The following FAT3 variants were observed in gnomAD, a reference collection of about 807,000 sequenced individuals.
The protein encoded by FAT3 is protocadherin Fat 3.
In FAT3, 95 loss-of-function variants were observed where a neutral mutation model predicts 310.2. The ratio of observed to expected loss-of-function variants is 0.31; its 90% CI spans 0.26 to 0.36. The LOEUF (loss-of-function observed/expected upper bound fraction) is 0.36, where lower values mean the gene tolerates loss of function less well. Among genes scored for constraint, FAT3 ranks in the 10% least tolerant of loss-of-function variants. The pLI is 1.00. For missense variants in FAT3, 5,408 were observed against 5,715.6 expected (o/e 0.95, Z 1.74); for synonymous variants, 2,314 against 2,192.9 (o/e 1.06, Z -1.54).
chr11:92,634,815 A>T (rs1368715773), intron 3 of FAT3, among the ~76,000 whole-genome samples: 1 of 152,176 alleles, frequency 6.6e-6, no homozygotes, highest in African/African-American at 2.4e-5. Flanking sequence ...GTGTGGCTGT[A>T]TTTGGAGAAG....
Position 92,354,780 on chromosome 11 carries a change from G to A in FAT3, c.2668G>A (p.Asp890Asn), listed in dbSNP as rs374699170. 8 of 1,613,760 alleles carry A rather than the reference G, an allele frequency of 5.0e-6. No individual in the cohort carries two copies. The African/African-American group carries it at 5.3e-5, about 11-fold the overall frequency. ...NSSTGIVYVADQLDRESKANY... is the reference protein window; with the variant it reads ...NSSTGIVYVANQLDRESKANY... ...CTCAACTGGAATCGTTTATGTAGCC[G>A]ACCAGTTGGACCGGGAATCCAAAGC... The change falls in exon 2 of 28, where the codon GAC (aspartate) becomes AAC (asparagine). Residue 890 changes from aspartate to asparagine, a missense_variant. Transcript: ENST00000525166.
intron 19 of FAT3, among the ~76,000 whole-genome samples, chr11:92,855,268 C>T (rs900603671): frequency 6.6e-6 from 1 of 152,174 alleles, no homozygotes; most frequent in African/African-American, 2.4e-5. Flanking sequence ...GTGGTTAGCT[C>T]GTTCCTTTGT....
intron 3 of FAT3, among the ~76,000 whole-genome samples, chr11:92,605,565 G>A (rs1940236688): frequency 6.6e-6 from 1 of 152,138 alleles, no homozygotes; most frequent in South Asian, 2.1e-4. Flanking sequence ...AAGAGTTAAG[G>A]AGAGAGAGGA....
At chr11:92,474,107 C>T (rs1951983425) in intron 2 of FAT3, among the ~76,000 whole-genome samples, 1 of 152,238 alleles carries the variant, frequency 6.6e-6, no homozygotes, top group Admixed American at 6.5e-5. Context: ...AAAGAGATTC[C>T]CTTGCACTGC....
intron 1 of FAT3, among the ~76,000 whole-genome samples, chr11:92,275,082 A>G (rs767914721): frequency 8.5e-5 from 13 of 152,092 alleles, no homozygotes; most frequent in Non-Finnish European, 7.4e-5. Context: ...CTTCTGTTGT[A>G]GTGTGTGCCA....
In FAT3 at chr11:92,412,722, T is replaced by TACAC. The variant is rs1429219895; in HGVS notation, c.3292+57319_3292+57320insCACA. ...GTGGTGATATATATATATATATATA[T>TACAC]ATATATATATATATATATATATAAA... On this transcript the variant is annotated intron_variant, in intron 2 of 27. Coordinates refer to ENST00000525166, the MANE Select transcript of FAT3 (RefSeq NM_001367949.2). Among the ~76,000 whole-genome samples the TACAC allele has an allele frequency of 2.3e-3, 41 of 17,740 alleles. 3 individuals are homozygous for TACAC. Among genetic ancestry groups the TACAC allele is most frequent in the South Asian group, 0.017 (7 of 422 alleles). The allele number at this position is 17,740 out of a possible 152,430, so 11.6% of individuals were successfully genotyped here.
chr11:92,598,089 G>A (rs549022711), intron 3 of FAT3, among the ~76,000 whole-genome samples: 1 of 151,906 alleles, frequency 6.6e-6, no homozygotes, highest in Non-Finnish European at 1.5e-5. Context: ...TACCAGGTGG[G>A]TGTTCACCCA....
At chr11:92,847,478 A>G (rs1040329670) in intron 19 of FAT3, among the ~76,000 whole-genome samples, 3 of 152,196 alleles carry the variant, frequency 2.0e-5, no homozygotes, top group African/African-American at 7.2e-5. Context: ...TATCCCCATT[A>G]TTAAGCAATT....
chr11:92,362,069 G>A (rs566282998), intron 2 of FAT3, among the ~76,000 whole-genome samples: 1 of 152,230 alleles, frequency 6.6e-6, no homozygotes, highest in Admixed American at 6.5e-5. Flanking sequence ...TCTATATCTG[G>A]TGTTATGAGG....
Position 92,891,437 on chromosome 11 carries a change from T to C in FAT3, c.*324T>C, listed in dbSNP as rs1591866999. 2.7e-6 allele frequency: 1 copy of C among 366,140 alleles called. No homozygotes were observed. Among genetic ancestry groups the C allele is most frequent in the East Asian group, 6.3e-5 (1 of 15,796 alleles). 22.7% of individuals were successfully genotyped at this position (366,140 alleles called of 1,614,324 possible). On this transcript the variant is annotated 3_prime_UTR_variant, in exon 28 of 28. Transcript: ENST00000525166. ...AGTCTTGTATGGCTTTGTGCAGTAT[T>C]GTGCCCTGGAAAGTGTTACAGCATC...
intron 1 of FAT3, among the ~76,000 whole-genome samples, chr11:92,332,378 T>A (rs1299816467): frequency 6.6e-6 from 1 of 152,198 alleles, no homozygotes; most frequent in Non-Finnish European, 1.5e-5. Flanking sequence ...GGCATTGGAA[T>A]TAAATACACT....
chr11:92,387,063 AGTGTGT>A (rs67529435), intron 2 of FAT3, among the ~76,000 whole-genome samples: 5,399 of 144,152 alleles, frequency 0.037, 201 homozygotes, highest in African/African-American at 0.099. Flanking sequence ...TATGGGAGCT[AGTGTGT>A]GTGTGTGTGT....
chr11:92,377,901 C>T (rs186800886), intron 2 of FAT3, among the ~76,000 whole-genome samples: 7 of 152,296 alleles, frequency 4.6e-5, no homozygotes, highest in Non-Finnish European at 7.3e-5. Flanking sequence ...ATCAGCTTTA[C>T]CTCCGAGTAC....
intron 2 of FAT3, among the ~76,000 whole-genome samples, chr11:92,519,770 T>TTA (rs1398006941): frequency 2.0e-5 from 3 of 152,138 alleles, no homozygotes; most frequent in Non-Finnish European, 4.4e-5. Context: ...ATAAGCACTT[T>TTA]TAAAGATGCT....
intron 2 of FAT3, among the ~76,000 whole-genome samples, chr11:92,490,158 G>A (rs1402424401): frequency 1.3e-5 from 2 of 152,040 alleles, no homozygotes; most frequent in African/African-American, 4.8e-5. Flanking sequence ...AAAAGAAATA[G>A]CTCTTTTTTA....
chr11:92,840,704 G>A lies in FAT3; in HGVS notation c.10511G>A (p.Arg3504Gln), dbSNP rs537765652. The A allele has an allele frequency of 6.8e-6, 11 of 1,607,996 alleles. No homozygotes were observed. The highest frequency in any genetic ancestry group is 2.7e-5 in the African/African-American group (2 of 74,908). Residue 3504 changes from arginine to glutamine, a missense_variant, in exon 18 of 28, where the codon CGG (arginine) becomes CAG (glutamine). This residue lies in a region of FAT3 where 4,588 missense variants were observed against 4,809.8 expected (regional missense o/e 0.95). Coordinates refer to ENST00000525166, the MANE Select transcript of FAT3 (RefSeq NM_001367949.2). ...EFVLDPHGIL[R>Q]SAVVFQHTES... is the part of the protein sequence containing the mutation. ...GTGTTGGACCCTCATGGGATCTTGC[G>A]GTCGGCTGTGGTCTTCCAGCACACA...
intron 3 of FAT3, among the ~76,000 whole-genome samples, chr11:92,594,653 G>A (rs922360457): frequency 2.0e-5 from 3 of 152,242 alleles, no homozygotes; most frequent in Non-Finnish European, 2.9e-5. Flanking sequence ...ATGGTGAAAA[G>A]CACAATTTAG....
intron 3 of FAT3, among the ~76,000 whole-genome samples, chr11:92,635,914 A>G (rs1263253149): frequency 6.6e-6 from 1 of 152,156 alleles, no homozygotes; most frequent in African/African-American, 2.4e-5. Flanking sequence ...TATTAGAAAT[A>G]GATGTAAGCA....
intron 2 of FAT3, among the ~76,000 whole-genome samples, chr11:92,466,958 A>G (rs1328681248): frequency 6.6e-6 from 1 of 152,008 alleles, no homozygotes; most frequent in Non-Finnish European, 1.5e-5. Context: ...TATATGTGCC[A>G]CATTTTCTTA....
Sources: allele counts gnomAD v4.1 joint callset (sites outside exome capture counted in the v4.1 genomes callset), GRCh38; gene constraint gnomAD v4.1.1; regional missense constraint gnomAD v4.1.1; transcripts MANE v1.5; gene names NCBI Gene and HGNC (gene_info 2026-07-23, HGNC 2026-07-21).